RBL1: variants seen among roughly 807,000 people sequenced by gnomAD.
The protein encoded by RBL1 is retinoblastoma-like protein 1.
In RBL1, 82 loss-of-function variants were observed where a neutral mutation model predicts 123.0. The ratio of observed to expected loss-of-function variants is 0.67; its 90% CI spans 0.56 to 0.80. RBL1 has a LOEUF of 0.80. Ranked by LOEUF, RBL1 falls within the 30% of genes least tolerant of loss-of-function variation. The pLI is 0.00. For missense variants in RBL1, 1,171 were observed against 1,299.6 expected (o/e 0.90, Z 1.52); for synonymous variants, 405 against 441.3 (o/e 0.92, Z 1.03).
chr20:37,019,038 G>A (rs377662867), intron 18 of RBL1, among the ~76,000 whole-genome samples: 3 of 151,874 alleles, frequency 2.0e-5, no homozygotes, highest in African/African-American at 7.2e-5. Context: ...CAATCAATTG[G>A]TCTTTTTTTT....
At chr20:37,056,022 G>A in intron 10 of RBL1, 124 bp downstream of exon 10, 1 of 1,438,236 alleles carries the variant, frequency 7.0e-7, no homozygotes, top group South Asian at 1.4e-5. Context: ...ACTCCAGCCT[G>A]GGCAACTCGG....
At chr20:37,026,834 C>T (rs981238008) in intron 16 of RBL1, among the ~76,000 whole-genome samples, 2 of 150,986 alleles carry the variant, frequency 1.3e-5, no homozygotes, top group African/African-American at 2.4e-5. Context: ...GAAACCCTGT[C>T]TCTACTAAAA....
chr20:37,033,015 A>ATTT, intron 15 of RBL1, 139 bp from the exon 16 acceptor site: 1 of 1,174,058 alleles, frequency 8.5e-7, no homozygotes, highest in South Asian at 1.8e-5. Flanking sequence ...TTATGACTGA[A>ATTT]TTCTTTTTTT....
At position 37,003,826 on chromosome 20, in the gene RBL1, T is replaced by C; in HGVS notation, c.2912A>G (p.Gln971Arg). Residue 971 changes from glutamine to arginine, a missense_variant, in exon 21 of 22, where the codon CAA becomes CGA. Physicochemically the swap from Gln to Arg is conservative, Grantham distance 43. Coordinates refer to ENST00000373664, the MANE Select transcript of RBL1 (RefSeq NM_002895.5). ...PPLSPFPHIK[Q>R]QPGSPRRISQ... ...AATGCGGCGTGGTGAGCCTGGCTGT[T>C]GTTTAATATGTGGAAAAGGAGAGAG... The C allele has an allele frequency of 6.2e-7, 1 of 1,613,876 alleles. No homozygotes were observed. The highest frequency in any genetic ancestry group is 1.3e-5 in the African/African-American group (1 of 74,996).
chr20:37,040,315 A>G, intron 13 of RBL1, 30 bp from the exon 14 acceptor site: 11 of 1,603,124 alleles, frequency 6.9e-6, no homozygotes, highest in East Asian at 2.2e-5. Flanking sequence ...TTTGATTTAC[A>G]TATAGATAAA....
At chr20:37,082,239 C>T (rs549725640) in intron 2 of RBL1, among the ~76,000 whole-genome samples, 1 of 152,200 alleles carries the variant, frequency 6.6e-6, no homozygotes, top group African/African-American at 2.4e-5. Flanking sequence ...TACAGTCAGC[C>T]CTGCACCTCA....
rs1424323546 is a variant in RBL1, at chr20:36,997,376, G to A, written c.*1383C>T. On this transcript the variant is annotated 3_prime_UTR_variant, in exon 22 of 22. Coordinates refer to ENST00000373664, the MANE Select transcript of RBL1 (RefSeq NM_002895.5). ...TCCCTAATACTGAAAAGCATCCCTA[G>A]TACTAAAAAACATCTTCAGGAGTAC... 2 of 152,008 alleles carry A rather than the reference G, an allele frequency of 1.3e-5. No individual in the cohort carries two copies. Among genetic ancestry groups the A allele is most frequent in the East Asian group, 3.8e-4 (2 of 5,196 alleles). The allele number at this position is 152,008 out of a possible 1,614,324, so 9.4% of individuals were successfully genotyped here.
At chr20:37,012,195 C>T (rs1045973596) in intron 19 of RBL1, among the ~76,000 whole-genome samples, 50 of 152,350 alleles carry the variant, frequency 3.3e-4, no homozygotes, top group Non-Finnish European at 5.7e-4. Context: ...AGTGCAGTGG[C>T]GTGATCTCGG....
chr20:37,016,540 T>C (rs1338750705), intron 19 of RBL1, among the ~76,000 whole-genome samples: 4 of 152,252 alleles, frequency 2.6e-5, no homozygotes, highest in Non-Finnish European at 5.9e-5. Flanking sequence ...AAAATTTGCT[T>C]TAATTCATCA....
intron 16 of RBL1, among the ~76,000 whole-genome samples, chr20:37,030,536 T>C (rs2064491095): frequency 6.8e-6 from 1 of 147,496 alleles, no homozygotes; most frequent in Admixed American, 6.7e-5. Flanking sequence ...CTGGGCAACA[T>C]GGTGAAACCC....
intron 21 of RBL1, 26 bp from the exon 22 acceptor site, chr20:36,998,955 G>C: frequency 6.3e-7 from 1 of 1,590,642 alleles, no homozygotes; most frequent in Non-Finnish European, 8.6e-7. Context: ...GAACGTGTGT[G>C]AGTAAAAGAG....
intron 9 of RBL1, among the ~76,000 whole-genome samples, chr20:37,057,491 C>T (rs2065028928): frequency 6.6e-6 from 1 of 152,028 alleles, no homozygotes; most frequent in African/African-American, 2.4e-5. Context: ...ATGCTTTTGG[C>T]CAGTTGCATA....
rs757362982 is a variant in RBL1 at position 37,003,772 on chromosome 20, G to A, written c.2966C>T (p.Pro989Leu). ...ISQQHSIYIS[P>L]HKNGSGLTPR... Reference sequence around the variant, plus strand: ...TGTAAGGCCTGACCCATTCTTGTGCGGGGAAATATAAATGGAGTGCTGCTG... The same window carrying A: ...TGTAAGGCCTGACCCATTCTTGTGCAGGGAAATATAAATGGAGTGCTGCTG... The change falls in exon 21 of 22, where the codon CCG (proline) becomes CTG (leucine). Residue 989 changes from proline to leucine, a missense_variant. Physicochemically the swap from Pro to Leu is moderately conservative, Grantham distance 98 (BLOSUM62 -3). Transcript: ENST00000373664. 16 of 1,613,840 alleles carry A rather than the reference G, an allele frequency of 9.9e-6. No individual in the cohort carries two copies. Among genetic ancestry groups the A allele is most frequent in the East Asian group, 2.2e-5 (1 of 44,886 alleles).
At chr20:37,019,554 C>G (rs1232934920) in intron 18 of RBL1, among the ~76,000 whole-genome samples, 1 of 152,176 alleles carries the variant, frequency 6.6e-6, no homozygotes, top group Non-Finnish European at 1.5e-5. Context: ...AATACCTGTA[C>G]TTGGTTCTTC....
intron 19 of RBL1, among the ~76,000 whole-genome samples, chr20:37,014,764 A>AAAAC (rs1328680374): frequency 6.7e-6 from 1 of 150,054 alleles, no homozygotes; most frequent in Non-Finnish European, 1.5e-5. Context: ...ACATGGTCTC[A>AAAAC]AAACAAACAA....
chr20:37,060,887 T>G (rs1464055105), intron 9 of RBL1, among the ~76,000 whole-genome samples: 2 of 152,224 alleles, frequency 1.3e-5, no homozygotes, highest in Non-Finnish European at 2.9e-5. Context: ...TAGCTGGGAC[T>G]ACAGGTGTGT....
chr20:37,017,203 G>A (rs1211338895), intron 19 of RBL1, among the ~76,000 whole-genome samples: 45 of 151,768 alleles, frequency 3.0e-4, no homozygotes, highest in Non-Finnish European at 6.0e-4. Context: ...GCAAAATCCC[G>A]TCTCTACAAA....
At chr20:37,014,805 G>A (rs1463521773) in intron 19 of RBL1, among the ~76,000 whole-genome samples, 2 of 152,076 alleles carry the variant, frequency 1.3e-5, no homozygotes, top group African/African-American at 2.4e-5. Flanking sequence ...GCTGACGCCT[G>A]TAATCCCAGC....
At chr20:37,010,714 T>C (rs1600452954) in intron 19 of RBL1, among the ~76,000 whole-genome samples, 1 of 152,244 alleles carries the variant, frequency 6.6e-6, no homozygotes, top group South Asian at 2.1e-4. Flanking sequence ...CACTGTTGTA[T>C]GTGTGGACCA....
Sources: allele counts gnomAD v4.1 joint callset (sites outside exome capture counted in the v4.1 genomes callset), GRCh38; gene constraint gnomAD v4.1.1; transcripts MANE v1.5; gene names NCBI Gene and HGNC (gene_info 2026-07-23, HGNC 2026-07-21).